Variants in LRP2 observed in about 807,000 individuals in gnomAD.
The protein encoded by LRP2 is LDL receptor related protein 2, also known as low-density lipoprotein receptor-related protein 2.
In LRP2, 172 loss-of-function variants were observed where a neutral mutation model predicts 531.0. The observed-to-expected ratio is 0.32, with a 90% CI of 0.29 to 0.37. The LOEUF (loss-of-function observed/expected upper bound fraction) is 0.37. Ranked by LOEUF, LRP2 falls within the 10% of genes least tolerant of loss-of-function variation. LRP2 has a pLI of 1.00. For missense variants in LRP2, 5,167 were observed against 5,868.3 expected, an observed-to-expected ratio of 0.88 and a Z score of 3.90; for synonymous variants, 1,992 against 2,027.6, an observed-to-expected ratio of 0.98 and a Z score of 0.47.
chr2:169,322,365 G>T (rs570254128), intron 1 of LRP2, among the ~76,000 whole-genome samples: 1 of 152,252 alleles, frequency 6.6e-6, no homozygotes, highest in South Asian at 2.1e-4. Flanking sequence ...TGCTGCAAAT[G>T]GTCAGAAACT....
At chr2:169,239,911 G>T in intron 25 of LRP2, 136 bp from the exon 26 acceptor site, 2 of 756,324 alleles carry the variant, frequency 2.6e-6, no homozygotes, top group Non-Finnish European at 4.5e-6. Context: ...AGTGCAGCAT[G>T]CACTTGGGTG....
intron 28 of LRP2, among the ~76,000 whole-genome samples, chr2:169,236,821 A>T (rs762407160): frequency 4.4e-4 from 67 of 152,214 alleles, no homozygotes; most frequent in Non-Finnish European, 8.7e-4. Flanking sequence ...TAGAAACTTA[A>T]TTTTTAATTA....
intron 34 of LRP2, among the ~76,000 whole-genome samples, chr2:169,217,136 C>T (rs979706645): frequency 6.6e-6 from 1 of 152,086 alleles, no homozygotes; most frequent in Non-Finnish European, 1.5e-5. Context: ...GGCTGTTTTC[C>T]ATTTCCACTG....
At chr2:169,267,705 C>T (rs1367117607) in intron 16 of LRP2, among the ~76,000 whole-genome samples, 2 of 151,924 alleles carry the variant, frequency 1.3e-5, no homozygotes, top group Non-Finnish European at 2.9e-5. Context: ...ACTAGAGAAG[C>T]GAGAGCAAAC....
chr2:169,177,405 C>A (rs552609968), intron 53 of LRP2, among the ~76,000 whole-genome samples: 11 of 152,268 alleles, frequency 7.2e-5, no homozygotes, highest in African/African-American at 2.4e-4. Context: ...ATACACAATA[C>A]AATATCATAT....
intron 13 of LRP2, among the ~76,000 whole-genome samples, chr2:169,276,918 G>A (rs891570207): frequency 1.3e-5 from 2 of 152,078 alleles, no homozygotes; most frequent in Admixed American, 1.3e-4. Flanking sequence ...TATTCAGCCA[G>A]GTGTAGTGGC....
intron 33 of LRP2, 129 bp downstream of exon 33, chr2:169,225,181 C>T: frequency 1.1e-6 from 1 of 924,134 alleles, no homozygotes; most frequent in Non-Finnish European, 1.7e-6. Flanking sequence ...ATAGTTAACA[C>T]TAATATCTTT....
intron 4 of LRP2, among the ~76,000 whole-genome samples, chr2:169,299,131 G>GAAAGAAAAAAAGAAAGAAAGAA (rs1553510968): frequency 4.2e-5 from 3 of 72,034 alleles, no homozygotes; most frequent in African/African-American, 1.5e-4. Flanking sequence ...AAGAAAGAAA[G>GAAAGAAAAAAAGAAAGAAAGAA]AAAGAAAGAA....
Position 169,206,793 on chromosome 2 carries a change from G to T in LRP2, c.6927C>A (p.Asn2309Lys). ...CTCTTATCACTGTGGGTGGCTCTGT[G>T]TTCTCTGGTTCCTTGCTGGCTTGGA... ...KIFQASKEPE[N>K]TEPPTVIRDN... is the part of the protein sequence containing the mutation. The change falls in exon 39 of 79, where the codon AAC (asparagine) becomes AAA (lysine). Residue 2309 changes from asparagine to lysine, a missense_variant. This residue lies in a region of LRP2 where 2,811 missense variants were observed against 3,058.0 expected (regional missense o/e 0.92). Transcript: ENST00000649046. 1.9e-6 allele frequency: 3 copies of T among 1,614,128 alleles called. No homozygotes were observed. Among genetic ancestry groups the T allele is most frequent in the Non-Finnish European group, 2.5e-6 (3 of 1,180,030 alleles).
Position 169,339,649 on chromosome 2 carries a change from C to T in LRP2, c.80-18765G>A, listed in dbSNP as rs1685508929. 2.0e-5 allele frequency among the ~76,000 whole-genome samples: 3 copies of T among 152,190 alleles called. No homozygotes were observed. In the East Asian group the frequency reaches 5.8e-4, roughly 29 times the overall value. ...CTTAATCCAAAGAAGTTGATAGTGA[C>T]AATATTTATTGAATCACTGAGTTGT... On this transcript the variant is annotated intron_variant, in intron 1 of 78. Transcript: ENST00000649046.
intron 56 of LRP2, 114 bp downstream of exon 56, chr2:169,173,805 G>C: frequency 6.9e-7 from 1 of 1,442,628 alleles, no homozygotes; most frequent in Non-Finnish European, 9.6e-7. Context: ...GAGTGCCAAG[G>C]GGGAGCATCC....
intron 14 of LRP2, among the ~76,000 whole-genome samples, 155 bp from the exon 15 acceptor site, chr2:169,273,222 C>T (rs1683467049): frequency 6.6e-6 from 1 of 152,050 alleles, no homozygotes; most frequent in African/African-American, 2.4e-5. Flanking sequence ...CTGGATACAT[C>T]CACATCTGGC....
intron 2 of LRP2, among the ~76,000 whole-genome samples, 180 bp from the exon 3 acceptor site, chr2:169,319,064 C>T (rs1007157642): frequency 2.6e-5 from 4 of 152,192 alleles, no homozygotes; most frequent in Non-Finnish European, 5.9e-5. Flanking sequence ...GTCAAATAAG[C>T]TCAGCAACAG....
Position 169,306,828 on chromosome 2 carries a change from G to T in LRP2, c.427+453C>A, listed in dbSNP as rs187035137. The stretch of plus-strand genomic sequence containing the variant: ...CAGTTACAAAGAGATATAGTATGCT[G>T]CTGTTATAGGAAAAGACATTTTCAA... On this transcript the variant is annotated intron_variant, in intron 4 of 78. Transcript: ENST00000649046. 5.9e-5 allele frequency among the ~76,000 whole-genome samples: 9 copies of T among 152,252 alleles called. No homozygotes were observed. In the East Asian group the frequency reaches 9.7e-4, roughly 16 times the overall value.
chr2:169,196,788 A>G (rs1024050597), intron 46 of LRP2, 123 bp downstream of exon 46: 1 of 1,360,996 alleles, frequency 7.3e-7, no homozygotes. Flanking sequence ...TTCCAGATGA[A>G]AGCTGGGACA....
At chr2:169,290,709 G>A (rs1021463886) in intron 8 of LRP2, 136 bp downstream of exon 8, 25 of 907,218 alleles carry the variant, frequency 2.8e-5, no homozygotes, top group Admixed American at 1.2e-4. Flanking sequence ...AATAAGACAC[G>A]TTTCTCAGTT....
At chr2:169,154,371 C>T in intron 66 of LRP2, 89 bp downstream of exon 66, 1 of 1,234,022 alleles carries the variant, frequency 8.1e-7, no homozygotes, top group Non-Finnish European at 1.2e-6. Context: ...AAAATTCACT[C>T]ATTAAACAAT....
At chr2:169,238,020 TG>T in intron 27 of LRP2, 70 bp downstream of exon 27, 2 of 1,331,454 alleles carry the variant, frequency 1.5e-6, no homozygotes, top group Non-Finnish European at 1.1e-6. Context: ...CTTCTCTCAC[TG>T]GTGAATAACA....
intron 16 of LRP2, among the ~76,000 whole-genome samples, chr2:169,268,567 C>T (rs965532603): frequency 1.3e-5 from 2 of 151,668 alleles, no homozygotes; most frequent in African/African-American, 4.8e-5. Context: ...GCCCTTCATG[C>T]TAAATCAATA....
Sources: gnomAD v4.1 joint callset for allele counts (sites outside exome capture counted in the v4.1 genomes callset) on GRCh38, gnomAD v4.1.1 for gene constraint, gnomAD v4.1.1 regional missense constraint, MANE v1.5 for transcripts, NCBI Gene and HGNC (gene_info 2026-07-23, HGNC 2026-07-21) for gene names.